Variants in HTT observed in about 807,000 individuals in gnomAD.
HTT encodes huntington disease protein.
HTT carries 104 observed loss-of-function variants against 362.3 expected under a neutral mutation model. The ratio of observed to expected loss-of-function variants is 0.29; its 90% CI spans 0.24 to 0.34. The LOEUF (loss-of-function observed/expected upper bound fraction) is 0.34, where lower values mean the gene tolerates loss of function less well. HTT is among the 10% of genes least tolerant of loss of function. The probability of loss-of-function intolerance (pLI) is 1.00; values close to 1 mark genes in which losing one functional copy is unlikely to be tolerated. For synonymous variants in HTT, 1,577 were observed against 1,548.7 expected (o/e 1.02, Z -0.43); for missense variants, 3,301 against 3,928.6 (o/e 0.84, Z 4.27).
At chr4:3,226,361 T>C (rs1720915470) in intron 57 of HTT, among the ~76,000 whole-genome samples, 1 of 152,016 alleles carries the variant, frequency 6.6e-6, no homozygotes, top group South Asian at 2.1e-4. Flanking sequence ...TCTATAACAT[T>C]TTAGGAGGCT....
chr4:3,104,935 A>C lies in HTT; in HGVS notation c.529-422A>C, dbSNP rs144002199. On this transcript the variant is annotated intron_variant, in intron 4 of 66. Transcript: ENST00000355072. ...AAAACAAAAAAACAAAAAACAAACC[A>C]CTATTATCGACTATATATTATTGTC... Among the ~76,000 whole-genome samples the C allele has an allele frequency of 3.7e-3, 559 of 152,156 alleles. 2 individuals are homozygous for C. The highest frequency in any genetic ancestry group is 7.1e-3 in the Non-Finnish European group (482 of 67,984).
At chr4:3,209,085 C>G (rs1171846864) in intron 46 of HTT, among the ~76,000 whole-genome samples, 174 bp downstream of exon 46, 1 of 152,208 alleles carries the variant, frequency 6.6e-6, no homozygotes, top group Non-Finnish European at 1.5e-5. Context: ...CTGAGGGAGC[C>G]AAGCAGTGCT....
At chr4:3,193,632 T>C (rs1719117971) in intron 40 of HTT, among the ~76,000 whole-genome samples, 1 of 152,252 alleles carries the variant, frequency 6.6e-6, no homozygotes, top group Admixed American at 6.5e-5. Context: ...TGTTGTCCAA[T>C]AGGACTTCCA....
Position 3,212,551 on chromosome 4 carries a change from C to T in HTT, c.6629-13C>T, listed in dbSNP as rs756036469. 14 of 1,612,406 alleles carry T rather than the reference C, an allele frequency of 8.7e-6. No homozygotes were observed. In the East Asian group the frequency reaches 2.5e-4, roughly 28 times the overall value. On this transcript the variant is annotated splice_polypyrimidine_tract_variant and intron_variant, in intron 48 of 66. Transcript: ENST00000355072. ...TCACGTTTGCACCCACCCACGAGGT[C>T]CTTCTGTTTCAGGGGATGCTGCACT... is the stretch of plus-strand genomic sequence containing the variant.
intron 12 of HTT, 87 bp downstream of exon 12, chr4:3,127,691 C>T (rs992546079): frequency 9.2e-6 from 9 of 978,364 alleles, no homozygotes; most frequent in Non-Finnish European, 1.2e-5. Flanking sequence ...AGGCCGGGCA[C>T]AGGGGCTCAT....
chr4:3,238,799 A>G lies in HTT; in HGVS notation c.9055-19A>G, dbSNP rs2858081. Reference sequence around the variant, plus strand: ...GTCCCCCCAGCCCTGACACTCAGGCACCTGCTTGCTCCTTGCAGGTGTTTC... The same window carrying G: ...GTCCCCCCAGCCCTGACACTCAGGCGCCTGCTTGCTCCTTGCAGGTGTTTC... On this transcript the variant is annotated intron_variant, in intron 65 of 66. Transcript: ENST00000355072. 1,565,524 of 1,569,274 alleles carry G rather than the reference A, an allele frequency of 1. 780,947 individuals carry two copies. Among genetic ancestry groups the G allele is most frequent in the Non-Finnish European group, 1 (1,153,829 of 1,154,106 alleles).
rs1439382071 is a variant in HTT, at chr4:3,206,252, C to G, written c.5719-244C>G. 6.6e-6 allele frequency among the ~76,000 whole-genome samples: 1 copy of G among 152,216 alleles called. No homozygotes were observed. On this transcript the variant is annotated intron_variant, in intron 42 of 66. Coordinates refer to ENST00000355072, the MANE Select transcript of HTT (RefSeq NM_001388492.1). This position sits in a 1 kb window ranked among gnomAD's most constrained non-coding sequence, Gnocchi z 4.6. ...TCTCTGAGAGCTGGACTGCTGTACCCTACTTCCCCAGGGGGCCTAACTTCA... is the reference window on the plus strand; with the variant it reads ...TCTCTGAGAGCTGGACTGCTGTACCGTACTTCCCCAGGGGGCCTAACTTCA...
Position 3,217,766 on chromosome 4 carries a change from T to G in HTT, c.7056T>G (p.Asn2352Lys). 1 of 1,612,024 alleles carries G rather than the reference T, an allele frequency of 6.2e-7. No homozygotes were observed. Among genetic ancestry groups the G allele is most frequent in the Non-Finnish European group, 8.5e-7 (1 of 1,178,784 alleles). Residue 2352 changes from asparagine to lysine, a missense_variant and splice_region_variant, in exon 52 of 67, where the codon AAT becomes AAG. Physicochemically the swap from Asn to Lys is moderately conservative, Grantham distance 94. Transcript: ENST00000355072. Reference protein sequence around the residue: ...EEEEVDPNTQNPKYITAACEM... With the variant: ...EEEEVDPNTQKPKYITAACEM... Reference sequence around the variant, plus strand: ...CTCTCTTAACCGTTGCTTGTTTAGATCCTAAGTATATCACTGCAGCCTGTG... The same window carrying G: ...CTCTCTTAACCGTTGCTTGTTTAGAGCCTAAGTATATCACTGCAGCCTGTG...
In HTT at chr4:3,228,615, G is replaced by A. The variant is rs749997356; in HGVS notation, c.7849G>A (p.Val2617Met). ...GAGCAGTGCCCCGTTTCTGTGGCAG[G>A]TGTCCATACACTCCGTGTGGCTGGG... Reference protein sequence around the residue: ...LGSMSYKLGQVSIHSVWLGNS... With the variant: ...LGSMSYKLGQMSIHSVWLGNS... Residue 2617 changes from valine to methionine, a missense_variant and splice_region_variant, in exon 58 of 67, where the codon GTG (valine) becomes ATG (methionine). Around this residue, in one of 4 missense-constraint regions of HTT, gnomAD observed 753 missense variants for 1,021.3 expected, o/e 0.74. Transcript: ENST00000355072. This position sits in a 1 kb window ranked among gnomAD's most constrained non-coding sequence, Gnocchi z 4.3. 3.8e-6 allele frequency: 6 copies of A among 1,559,982 alleles called. No homozygotes were observed. The highest frequency in any genetic ancestry group is 1.4e-5 in the African/African-American group (1 of 72,946).
chr4:3,074,715 A>G lies in HTT; in HGVS notation c.-111A>G. On this transcript the variant is annotated 5_prime_UTR_variant, in exon 1 of 67. Transcript: ENST00000355072. ...ACGGGTCCAAGATGGACGGCCGCTCAGGTTCTGCTTTTACCTGCGGCCCAG... is the reference window on the plus strand; with the variant it reads ...ACGGGTCCAAGATGGACGGCCGCTCGGGTTCTGCTTTTACCTGCGGCCCAG... The G allele has an allele frequency of 2.6e-6, 3 of 1,158,184 alleles. No homozygotes were observed. Among genetic ancestry groups the G allele is most frequent in the Middle Eastern group, 3.0e-4 (1 of 3,376 alleles). The allele number at this position is 1,158,184 out of a possible 1,614,324, so 71.7% of individuals were successfully genotyped here.
intron 51 of HTT, among the ~76,000 whole-genome samples, chr4:3,217,418 G>A (rs1033546919): frequency 2.6e-5 from 4 of 152,196 alleles, no homozygotes; most frequent in African/African-American, 9.7e-5. Context: ...AGAAAGACGA[G>A]GGGCAGAGGA....
chr4:3,094,975 C>T lies in HTT; in HGVS notation c.348-4299C>T, dbSNP rs1263651928. 1.4e-4 allele frequency among the ~76,000 whole-genome samples: 22 copies of T among 151,882 alleles called. No homozygotes were observed. In the East Asian group the frequency reaches 3.9e-3, roughly 27 times the overall value. Reference sequence around the variant, plus strand: ...CCCCACTTCCCAGACGATGGGCGGCCGGGCAGAGATGCTCCTCACTTCCTA... The same window carrying T: ...CCCCACTTCCCAGACGATGGGCGGCTGGGCAGAGATGCTCCTCACTTCCTA... On this transcript the variant is annotated intron_variant, in intron 2 of 66. Transcript: ENST00000355072.
intron 41 of HTT, among the ~76,000 whole-genome samples, chr4:3,201,284 C>T (rs148262199): frequency 0.021 from 3,255 of 152,228 alleles, 103 homozygotes; most frequent in African/African-American, 0.071. Context: ...ATCCCAGCAC[C>T]TTGGGAAGCC....
intron 18 of HTT, among the ~76,000 whole-genome samples, chr4:3,133,212 G>A (rs964496471): frequency 2.0e-5 from 3 of 151,836 alleles, no homozygotes; most frequent in Non-Finnish European, 2.9e-5. Flanking sequence ...TGCTGGGCAC[G>A]GTGACTCACA....
chr4:3,208,851 C>A lies in HTT; in HGVS notation c.6231C>A (p.Val2077=). The change falls in exon 46 of 67, where the codon GTC becomes GTA. Residue 2077 remains valine, a synonymous_variant. Coordinates refer to ENST00000355072, the MANE Select transcript of HTT (RefSeq NM_001388492.1). ...ACTCACTTAGTCCCTCTCCTCCAGTCTCTTCCCACCCGCTGGACGGGGATG... is the reference window on the plus strand; with the variant it reads ...ACTCACTTAGTCCCTCTCCTCCAGTATCTTCCCACCCGCTGGACGGGGATG... ...MQDSLSPSPP[V]SSHPLDGDGH... 1 of 1,614,178 alleles carries A rather than the reference C, an allele frequency of 6.2e-7. No individual in the cohort carries two copies. The highest frequency in any genetic ancestry group is 8.5e-7 in the Non-Finnish European group (1 of 1,179,998).
chr4:3,104,559 G>A (rs1287163366), intron 4 of HTT, among the ~76,000 whole-genome samples: 2 of 152,050 alleles, frequency 1.3e-5, no homozygotes, highest in Admixed American at 6.5e-5. Flanking sequence ...AGTGAGCCGA[G>A]ATCACGCCAC....
chr4:3,204,027 C>T lies in HTT; in HGVS notation c.5597C>T (p.Thr1866Ile). ...TCTAGAAGACACAGTCTGTCCAGCA[C>T]AAAGTTACTTAGTCCCCAGATGTCT... ...QTPKRHSLSS[T>I]KLLSPQMSGE... Residue 1866 changes from threonine (T) to isoleucine (I), a missense_variant, in exon 42 of 67, where the codon ACA becomes ATA. Thr to Ile is a moderately conservative substitution (Grantham distance 89). Transcript: ENST00000355072. 6.2e-7 allele frequency: 1 copy of T among 1,614,162 alleles called. No individual in the cohort carries two copies. The highest frequency in any genetic ancestry group is 1.1e-5 in the South Asian group (1 of 91,080).
In HTT at chr4:3,240,386, C is replaced by G. The variant is rs1289454872; in HGVS notation, c.*327C>G. On this transcript the variant is annotated 3_prime_UTR_variant, in exon 67 of 67. Coordinates refer to ENST00000355072, the MANE Select transcript of HTT (RefSeq NM_001388492.1). Reference sequence around the variant, plus strand: ...TGTTGCCAGGTTGCAGCTGCTCTTGCATCTGGGCCAGAAGTCCTCCCTCCT... The same window carrying G: ...TGTTGCCAGGTTGCAGCTGCTCTTGGATCTGGGCCAGAAGTCCTCCCTCCT... The G allele has an allele frequency of 7.9e-6, 3 of 377,736 alleles. No homozygotes were observed. In the Admixed American group the frequency reaches 1.3e-4, roughly 16 times the overall value. The allele number at this position is 377,736 out of a possible 1,614,324, so 23.4% of individuals were successfully genotyped here.
At chr4:3,154,698 T>G (rs1424333460) in intron 27 of HTT, among the ~76,000 whole-genome samples, 1 of 152,190 alleles carries the variant, frequency 6.6e-6, no homozygotes, top group Non-Finnish European at 1.5e-5. Flanking sequence ...CTCCTATGCT[T>G]CCCTGGTTGC....
Sources: gnomAD v4.1 joint callset for allele counts (sites outside exome capture counted in the v4.1 genomes callset) on GRCh38, gnomAD v4.1.1 for gene constraint, gnomAD v4.1.1 regional missense constraint, Gnocchi (gnomAD v3.1) non-coding constraint, MANE v1.5 for transcripts, NCBI Gene and HGNC (gene_info 2026-07-23, HGNC 2026-07-21) for gene names.